Variants in SYNE1 observed in about 807,000 individuals in gnomAD.
SYNE1 encodes the protein nesprin-1.
SYNE1 carries 616 observed loss-of-function variants against 1,111.0 expected under a neutral mutation model. The ratio of observed to expected loss-of-function variants is 0.55; its 90% CI spans 0.52 to 0.59. The LOEUF is 0.59. Ranked by LOEUF, SYNE1 falls within the 20% of genes least tolerant of loss-of-function variation. The pLI, the probability that SYNE1 is intolerant of heterozygous loss-of-function variation, is 0.00. For missense variants in SYNE1, 10,006 were observed against 10,417.0 expected (o/e 0.96, Z 1.72); for synonymous variants, 3,855 against 3,825.8 (o/e 1.01, Z -0.28).
rs1563082229 is a variant in SYNE1, at chr6:152,155,935, C to A, written c.23953G>T (p.Ala7985Ser). ...NLDRRWRNIC[A>S]MSMERRLKIE... ...TTCAGCCTCCTTTCCATGGACATAG[C>A]ACAAATGTTTCTCCACCGCCGGTCC... The change falls in exon 132 of 146, where the codon GCT becomes TCT. Residue 7985 changes from alanine (A) to serine (S), a missense_variant. Transcript: ENST00000367255. 6.2e-7 allele frequency: 1 copy of A among 1,614,134 alleles called. No homozygotes were observed. The highest frequency in any genetic ancestry group is 8.5e-7 in the Non-Finnish European group (1 of 1,180,024).
At chr6:152,577,158 G>A (rs918023629) in intron 3 of SYNE1, among the ~76,000 whole-genome samples, 1 of 152,120 alleles carries the variant, frequency 6.6e-6, no homozygotes, top group Non-Finnish European at 1.5e-5. Flanking sequence ...GTGGCTCAAC[G>A]ATAGAAAGAA....
Position 152,628,277 on chromosome 6 carries a change from G to A in SYNE1, c.55C>T (p.Gln19Ter). Reference sequence around the variant, plus strand: ...TTCTTCCCCCTACCTTGCAGCCTCTGCATCACATTGGCGATATCCCGAGGA... The same window carrying A: ...TTCTTCCCCCTACCTTGCAGCCTCTACATCACATTGGCGATATCCCGAGGA... ...RCPRDIANVM[Q>*]RLQDEQEIVQ... Residue 19 changes from glutamine (Q) to a stop codon, truncating the protein, a stop_gained, in exon 3 of 146, where the codon CAG (glutamine) becomes TAG (stop). Coordinates refer to ENST00000367255, the MANE Select transcript of SYNE1 (RefSeq NM_182961.4). LOFTEE classifies it high-confidence loss of function. 1 of 1,614,082 alleles carries A rather than the reference G, an allele frequency of 6.2e-7. No individual in the cohort carries two copies. Among genetic ancestry groups the A allele is most frequent in the South Asian group, 1.1e-5 (1 of 91,082 alleles).
At chr6:152,606,640 T>G (rs940166583) in intron 3 of SYNE1, among the ~76,000 whole-genome samples, 2 of 151,498 alleles carry the variant, frequency 1.3e-5, no homozygotes, top group Admixed American at 6.6e-5. Flanking sequence ...TTTTTCTGAG[T>G]TTTTTTGTTT....
chr6:152,323,819 T>C, intron 81 of SYNE1, 82 bp from the exon 82 acceptor site: 1 of 1,486,724 alleles, frequency 6.7e-7, no homozygotes, highest in Non-Finnish European at 9.3e-7. Context: ...AGCCACACAC[T>C]AGTGTATGAA....
intron 103 of SYNE1, 109 bp from the exon 104 acceptor site, chr6:152,255,198 T>C (rs2153621021): frequency 1.0e-6 from 1 of 962,356 alleles, no homozygotes; most frequent in Non-Finnish European, 1.6e-6. Context: ...TGCTTAGTAA[T>C]AATCAGACCT....
rs187380671 is a variant in SYNE1, at chr6:152,521,090, C to T, written c.226-548G>A. Among the ~76,000 whole-genome samples, 86 of 152,250 alleles carry T rather than the reference C, an allele frequency of 5.6e-4. 1 individual carries two copies. The highest frequency in any genetic ancestry group is 9.6e-4 in the Non-Finnish European group (65 of 68,002). ...TTTATAGAGATTCATTTCTTTCACA[C>T]GCTTTCTTAAAAAGAATGCTTAGTT... On this transcript the variant is annotated intron_variant, in intron 5 of 145. Transcript: ENST00000367255.
At chr6:152,605,092 G>A (rs374864083) in intron 3 of SYNE1, among the ~76,000 whole-genome samples, 318 of 81,490 alleles carry the variant, frequency 3.9e-3, no homozygotes, top group Admixed American at 5.5e-3. Context: ...AAGGAAGGAA[G>A]GAAGGAAGGA....
intron 55 of SYNE1, among the ~76,000 whole-genome samples, chr6:152,382,985 C>T (rs1164015077): frequency 6.6e-6 from 1 of 152,168 alleles, no homozygotes; most frequent in Non-Finnish European, 1.5e-5. Context: ...CACCCATATA[C>T]ATTTTGCTTT....
At chr6:152,545,612 A>C (rs2099308301) in intron 3 of SYNE1, among the ~76,000 whole-genome samples, 1 of 152,162 alleles carries the variant, frequency 6.6e-6, no homozygotes, top group Admixed American at 6.5e-5. Flanking sequence ...ACTAAGAAGA[A>C]AGAAATGCTG....
chr6:152,404,062 A>G, intron 46 of SYNE1, 151 bp downstream of exon 46: 2 of 472,022 alleles, frequency 4.2e-6, no homozygotes, highest in Non-Finnish European at 7.3e-6. Context: ...TATATGAGAT[A>G]TATGTATCAG....
intron 128 of SYNE1, among the ~76,000 whole-genome samples, chr6:152,184,481 A>G (rs540255189): frequency 9.9e-5 from 15 of 152,050 alleles, no homozygotes; most frequent in Non-Finnish European, 1.6e-4. Context: ...GATATATATT[A>G]AAGACCTGAC....
Position 152,347,137 on chromosome 6 carries a change from C to T in SYNE1, c.12000G>A (p.Ala4000=), listed in dbSNP as rs148493518. 10,309 of 1,614,152 alleles carry T rather than the reference C, an allele frequency of 6.4e-3. 54 individuals are homozygous for T. The highest frequency in any genetic ancestry group is 7.1e-3 in the Non-Finnish European group (8,407 of 1,180,024). ...GAGCATGCACGTTTTGTTTAAGTTTCGCTTGCAGGTGGTCTGCACATTGGC... is the reference window on the plus strand; with the variant it reads ...GAGCATGCACGTTTTGTTTAAGTTTTGCTTGCAGGTGGTCTGCACATTGGC... The part of the protein sequence containing the change: ...LIGQCADHLQ[A]KLKQNVHAHL... Residue 4000 remains alanine, a synonymous_variant, in exon 73 of 146, where the codon GCG becomes GCA. Transcript: ENST00000367255.
At chr6:152,426,291 T>C (rs1045183357) in intron 38 of SYNE1, among the ~76,000 whole-genome samples, 1 of 152,218 alleles carries the variant, frequency 6.6e-6, no homozygotes, top group African/African-American at 2.4e-5. Context: ...TGAGGCCACA[T>C]AGGTGATACA....
intron 4 of SYNE1, 90 bp downstream of exon 4, chr6:152,539,870 A>G (rs1242409051): frequency 3.7e-6 from 5 of 1,364,694 alleles, no homozygotes; most frequent in Non-Finnish European, 5.2e-6. Context: ...AACAGTGACA[A>G]CAGGGACAGA....
In SYNE1 at chr6:152,387,191, G is replaced by A. The variant is rs767933327; in HGVS notation, c.8368C>T (p.Leu2790Phe). ...LSEAEDHTRA[L>F]HRLIAKSREL... ...CTGGACTTCGCAATTAGACGGTGAA[G>A]GGCTCTCGTGTGATCTTCTGCCTCA... Residue 2790 changes from leucine (L) to phenylalanine (F), a missense_variant, in exon 54 of 146, where the codon CTT becomes TTT. Leu to Phe is a conservative substitution (Grantham distance 22). Coordinates refer to ENST00000367255, the MANE Select transcript of SYNE1 (RefSeq NM_182961.4). The A allele has an allele frequency of 3.1e-6, 5 of 1,614,146 alleles. No homozygotes were observed. The South Asian group carries it at 5.5e-5, about 18-fold the overall frequency.
intron 128 of SYNE1, 132 bp downstream of exon 128, chr6:152,189,120 C>A (rs1340352202): frequency 5.6e-6 from 5 of 888,606 alleles, no homozygotes; most frequent in Non-Finnish European, 9.1e-6. Context: ...CTGGTAGTAA[C>A]CACAGTGTTC....
At chr6:152,352,657 G>C (rs1267470108) in intron 69 of SYNE1, among the ~76,000 whole-genome samples, 1 of 152,146 alleles carries the variant, frequency 6.6e-6, no homozygotes, top group Non-Finnish European at 1.5e-5. Flanking sequence ...ACCCACCTCA[G>C]CCTCCCAAAG....
At chr6:152,288,057 A>G (rs1184198758) in intron 95 of SYNE1, among the ~76,000 whole-genome samples, 1 of 152,214 alleles carries the variant, frequency 6.6e-6, no homozygotes, top group Non-Finnish European at 1.5e-5. Context: ...GAATGCTAAA[A>G]GTATAAAATC....
At chr6:152,218,434 AGTT>A in intron 120 of SYNE1, 31 bp from the exon 121 acceptor site, 1 of 1,552,060 alleles carries the variant, frequency 6.4e-7, no homozygotes, top group Non-Finnish European at 8.7e-7. Flanking sequence ...TTGGTATTTC[AGTT>A]AAAAAAAAAA....
Sources: gnomAD v4.1 joint callset for allele counts (sites outside exome capture counted in the v4.1 genomes callset) on GRCh38, gnomAD v4.1.1 for gene constraint, MANE v1.5 for transcripts, NCBI Gene and HGNC (gene_info 2026-07-23, HGNC 2026-07-21) for gene names.